Variants in ZNF385D observed in about 807,000 individuals in gnomAD.
ZNF385D encodes zinc finger protein 659.
ZNF385D carries 15 observed loss-of-function variants against 35.8 expected under a neutral mutation model. The observed-to-expected ratio is 0.42, with a 90% CI of 0.28 to 0.64. ZNF385D has a LOEUF of 0.64. ZNF385D is among the 30% of genes least tolerant of loss of function. The pLI, the probability that ZNF385D is intolerant of heterozygous loss-of-function variation, is 0.23. For missense variants in ZNF385D, 474 were observed against 494.6 expected (o/e 0.96, Z 0.39); for synonymous variants, 212 against 186.8 (o/e 1.13, Z -1.10).
At chr3:22,166,000 T>C (rs1334872290) in intron 3 of ZNF385D, among the ~76,000 whole-genome samples, 5 of 148,962 alleles carry the variant, frequency 3.4e-5, no homozygotes, top group Admixed American at 1.3e-4. Context: ...GATAATGTGA[T>C]TGACACTTTT....
intron 2 of ZNF385D, among the ~76,000 whole-genome samples, chr3:22,231,276 A>C (rs2061579242): frequency 6.6e-6 from 1 of 152,158 alleles, no homozygotes; most frequent in Non-Finnish European, 1.5e-5. Flanking sequence ...CCACTGACTC[A>C]CTGGCCCTGA....
chr3:21,975,792 A>C (rs1424525051), intron 3 of ZNF385D, among the ~76,000 whole-genome samples: 1 of 147,872 alleles, frequency 6.8e-6, no homozygotes, highest in African/African-American at 2.5e-5. Flanking sequence ...TATATCTACT[A>C]TGTAACTACT....
chr3:21,591,168 C>A (rs2063965527), intron 2 of ZNF385D, among the ~76,000 whole-genome samples: 1 of 152,104 alleles, frequency 6.6e-6, no homozygotes, highest in African/African-American at 2.4e-5. Flanking sequence ...TGCACCTCAG[C>A]CTGGGAGACA....
intron 3 of ZNF385D, among the ~76,000 whole-genome samples, chr3:21,784,450 G>C (rs1369353816): frequency 6.6e-6 from 1 of 151,976 alleles, no homozygotes; most frequent in Non-Finnish European, 1.5e-5. Context: ...TCAGATAAAT[G>C]GAAGCGATAA....
intron 1 of ZNF385D, among the ~76,000 whole-genome samples, chr3:21,731,320 G>T (rs199604422): frequency 4.6e-5 from 7 of 152,152 alleles, no homozygotes; most frequent in South Asian, 4.1e-4. Context: ...TAAGGTGTTT[G>T]TTCATTTTCT....
intron 3 of ZNF385D, among the ~76,000 whole-genome samples, chr3:21,785,429 A>G (rs2071651752): frequency 6.6e-6 from 1 of 152,138 alleles, no homozygotes. Flanking sequence ...TTCTCACCAA[A>G]TATTTGCCCT....
chr3:22,232,428 C>T (rs1038289185), intron 2 of ZNF385D, among the ~76,000 whole-genome samples: 1 of 151,734 alleles, frequency 6.6e-6, no homozygotes, highest in African/African-American at 2.4e-5. Context: ...GATACATGTG[C>T]AGAATGTGCA....
chr3:22,003,226 C>G (rs1695962359), intron 3 of ZNF385D, among the ~76,000 whole-genome samples: 1 of 152,198 alleles, frequency 6.6e-6, no homozygotes, highest in Non-Finnish European at 1.5e-5. Flanking sequence ...ATTCAGCTAA[C>G]TTGCAGGATA....
intron 3 of ZNF385D, among the ~76,000 whole-genome samples, chr3:21,874,092 C>T (rs1170441784): frequency 6.6e-6 from 1 of 151,876 alleles, no homozygotes. Flanking sequence ...GAAGATGCAC[C>T]ATTATACATT....
chr3:21,454,359 T>G (rs1319616581), intron 4 of ZNF385D, among the ~76,000 whole-genome samples: 1 of 152,182 alleles, frequency 6.6e-6, no homozygotes, highest in Non-Finnish European at 1.5e-5. Flanking sequence ...ATGTGCATTT[T>G]ATATCTATAA....
intron 1 of ZNF385D, among the ~76,000 whole-genome samples, chr3:21,741,834 G>A (rs1381856075): frequency 7.2e-5 from 11 of 152,080 alleles, no homozygotes; most frequent in Non-Finnish European, 1.6e-4. Flanking sequence ...GAATCTCAGG[G>A]TTCCTGCCCT....
intron 2 of ZNF385D, among the ~76,000 whole-genome samples, chr3:22,310,029 T>C (rs989801712): frequency 6.6e-6 from 1 of 151,964 alleles, no homozygotes; most frequent in African/African-American, 2.4e-5. Context: ...GTTATTTACA[T>C]TGGGATGAGG....
chr3:22,153,875 C>T (rs1392720245), intron 3 of ZNF385D, among the ~76,000 whole-genome samples: 1 of 152,134 alleles, frequency 6.6e-6, no homozygotes, highest in African/African-American at 2.4e-5. Flanking sequence ...ATACCTTTTA[C>T]TCCCACACCA....
chr3:22,065,879 GAGATAA>G lies in ZNF385D; in HGVS notation c.325+102932_325+102937del, dbSNP rs140232786. 6.8e-3 allele frequency among the ~76,000 whole-genome samples: 1,039 copies of G among 152,266 alleles called. 15 individuals are homozygous for G. Among genetic ancestry groups the G allele is most frequent in the African/African-American group, 0.024 (993 of 41,546 alleles). On this transcript the variant is annotated intron_variant, in intron 3 of 5. Transcript: ENST00000494108. ...ATTCTGGAAGATCCAGAAGGGAAAA[GAGATAA>G]AGATAAAGACATCACGGATCACAGC...
At chr3:21,933,915 G>T (rs966488537) in intron 3 of ZNF385D, among the ~76,000 whole-genome samples, 4 of 149,570 alleles carry the variant, frequency 2.7e-5, no homozygotes, top group African/African-American at 9.7e-5. Context: ...CATTGGATCA[G>T]ATAATGCATA....
chr3:21,958,677 AC>A (rs1304510357), intron 3 of ZNF385D, among the ~76,000 whole-genome samples: 1 of 152,150 alleles, frequency 6.6e-6, no homozygotes, highest in Non-Finnish European at 1.5e-5. Flanking sequence ...TAACTGCATA[AC>A]CTATTTTTCT....
chr3:21,779,831 A>G (rs901088092), intron 3 of ZNF385D, among the ~76,000 whole-genome samples: 9 of 151,984 alleles, frequency 5.9e-5, no homozygotes, highest in Non-Finnish European at 1.2e-4. Context: ...GGGAGGATCT[A>G]CCAACTCATT....
chr3:21,835,634 G>A (rs1575746182), intron 3 of ZNF385D, among the ~76,000 whole-genome samples: 1 of 152,024 alleles, frequency 6.6e-6, no homozygotes. Context: ...AAAGAGGCAT[G>A]TAGCCTAAAA....
chr3:21,882,256 C>A (rs1312828767), intron 3 of ZNF385D, among the ~76,000 whole-genome samples: 1 of 151,928 alleles, frequency 6.6e-6, no homozygotes, highest in Non-Finnish European at 1.5e-5. Context: ...TCTTTATTTT[C>A]AAAAGTTGCC....
Sources: gnomAD v4.1 joint callset for allele counts (sites outside exome capture counted in the v4.1 genomes callset) on GRCh38, gnomAD v4.1.1 for gene constraint, MANE v1.5 for transcripts, NCBI Gene and HGNC (gene_info 2026-07-23, HGNC 2026-07-21) for gene names.